COL25A1: variants seen among roughly 807,000 people sequenced by gnomAD.
The protein encoded by COL25A1 is collagen alpha-1(XXV) chain.
A neutral mutation model predicts 128.4 loss-of-function variants in COL25A1; 103 were observed. That is an observed-to-expected ratio of 0.80 (90% CI 0.68 to 0.94). The LOEUF is 0.94. Among genes scored for constraint, COL25A1 ranks in the 40% least tolerant of loss-of-function variants. COL25A1 has a pLI of 0.00. For synonymous variants in COL25A1, 279 were observed against 277.2 expected (o/e 1.01, Z -0.06); for missense variants, 745 against 840.0 (o/e 0.89, Z 1.40).
At chr4:108,937,755 A>T (rs1443420023) in intron 11 of COL25A1, 53 bp downstream of exon 11, 6 of 1,435,454 alleles carry the variant, frequency 4.2e-6, no homozygotes, top group Non-Finnish European at 5.8e-6. Flanking sequence ...AATCTTGACC[A>T]TAGTTGTAAA....
chr4:108,954,107 T>A (rs932777596), intron 8 of COL25A1, among the ~76,000 whole-genome samples: 7 of 152,078 alleles, frequency 4.6e-5, no homozygotes, highest in Non-Finnish European at 8.8e-5. Context: ...CTACTTCCCA[T>A]AGTGATTAAT....
chr4:108,870,883 A>G (rs937415055), intron 19 of COL25A1, among the ~76,000 whole-genome samples: 2 of 152,256 alleles, frequency 1.3e-5, no homozygotes, highest in Non-Finnish European at 2.9e-5. Flanking sequence ...GAATTCTTGT[A>G]TATATTCAAG....
intron 6 of COL25A1, among the ~76,000 whole-genome samples, chr4:108,981,893 C>T (rs763403841): frequency 3.6e-4 from 54 of 152,016 alleles, no homozygotes; most frequent in Non-Finnish European, 6.6e-4. Context: ...AGATACTTGA[C>T]TTGAGGATAA....
intron 3 of COL25A1, among the ~76,000 whole-genome samples, chr4:109,195,242 C>CA (rs1560845933): frequency 6.6e-6 from 1 of 152,204 alleles, no homozygotes; most frequent in Non-Finnish European, 1.5e-5. Context: ...GCACATTGAG[C>CA]ACAGTAGCCC....
intron 10 of COL25A1, among the ~76,000 whole-genome samples, chr4:108,938,977 A>G (rs1253614784): frequency 3.3e-5 from 5 of 152,262 alleles, no homozygotes; most frequent in African/African-American, 7.2e-5. Context: ...CTATGTGTAG[A>G]AAGCTCCATT....
At chr4:109,115,561 T>C (rs1767459607) in intron 3 of COL25A1, among the ~76,000 whole-genome samples, 2 of 152,104 alleles carry the variant, frequency 1.3e-5, no homozygotes, top group Admixed American at 6.6e-5. Flanking sequence ...TCTTCTTCTA[T>C]GTTGTAACAT....
chr4:109,223,894 A>C (rs1778596965), intron 3 of COL25A1, among the ~76,000 whole-genome samples: 1 of 152,202 alleles, frequency 6.6e-6, no homozygotes, highest in Admixed American at 6.5e-5. Flanking sequence ...AGATACTGAT[A>C]TCCCTAAAGA....
rs528831824 is a variant in COL25A1, at chr4:109,166,712, A to C, written c.368-116533T>G. ...CACTGTGAGCACACAAGCCCTAGGA[A>C]GGTTTTAAATGTTGCACTTTGCCAT... On this transcript the variant is annotated intron_variant, in intron 3 of 37. Transcript: ENST00000399132. Among the ~76,000 whole-genome samples, 7 of 152,344 alleles carry C rather than the reference A, an allele frequency of 4.6e-5. No individual in the cohort carries two copies. In the South Asian group the frequency reaches 1.2e-3, roughly 27 times the overall value.
At chr4:109,273,006 T>C (rs1266772388) in intron 3 of COL25A1, among the ~76,000 whole-genome samples, 1 of 152,142 alleles carries the variant, frequency 6.6e-6, no homozygotes, top group Admixed American at 6.6e-5. Context: ...TTAAGCATTA[T>C]ATAACATTTG....
At chr4:109,056,001 A>T (rs1434997714) in intron 3 of COL25A1, among the ~76,000 whole-genome samples, 1 of 152,182 alleles carries the variant, frequency 6.6e-6, no homozygotes, top group Admixed American at 6.5e-5. Flanking sequence ...CTCAAGTTTT[A>T]ATCTCTGTGG....
chr4:109,244,936 C>A (rs970091805), intron 3 of COL25A1, among the ~76,000 whole-genome samples: 26 of 151,980 alleles, frequency 1.7e-4, no homozygotes, highest in African/African-American at 6.0e-4. Flanking sequence ...AATCTCTATT[C>A]AAATAGCCAT....
At chr4:109,184,615 G>A (rs992297985) in intron 3 of COL25A1, among the ~76,000 whole-genome samples, 5 of 152,208 alleles carry the variant, frequency 3.3e-5, no homozygotes, top group African/African-American at 1.2e-4. Flanking sequence ...GCCAGAACAA[G>A]TTAATCAGAG....
intron 3 of COL25A1, among the ~76,000 whole-genome samples, chr4:109,282,572 T>C (rs1723476357): frequency 6.6e-6 from 1 of 152,176 alleles, no homozygotes; most frequent in African/African-American, 2.4e-5. Context: ...ATTTATAGAG[T>C]CAAGAACTGT....
intron 6 of COL25A1, among the ~76,000 whole-genome samples, chr4:108,978,235 C>T (rs907086995): frequency 1.3e-5 from 2 of 152,238 alleles, no homozygotes; most frequent in African/African-American, 4.8e-5. Context: ...GAAGCAAAGC[C>T]GAGGTCAACC....
intron 6 of COL25A1, among the ~76,000 whole-genome samples, chr4:108,994,829 G>A (rs997121933): frequency 3.9e-5 from 6 of 152,162 alleles, no homozygotes; most frequent in African/African-American, 1.4e-4. Context: ...AGGCAAACAG[G>A]GTCTGGAGTG....
chr4:108,983,538 T>C (rs1753256736), intron 6 of COL25A1, among the ~76,000 whole-genome samples: 1 of 152,210 alleles, frequency 6.6e-6, no homozygotes, highest in African/African-American at 2.4e-5. Context: ...GCAGTAGTAT[T>C]GTGTCCAGAA....
chr4:109,090,482 G>A (rs1764799812), intron 3 of COL25A1, among the ~76,000 whole-genome samples: 2 of 152,130 alleles, frequency 1.3e-5, no homozygotes, highest in South Asian at 4.1e-4. Context: ...AGGAAACTAT[G>A]AAAGTGCTTT....
chr4:108,933,926 C>T (rs549551895), intron 11 of COL25A1, among the ~76,000 whole-genome samples: 23 of 152,000 alleles, frequency 1.5e-4, no homozygotes, highest in African/African-American at 4.3e-4. Context: ...TTCCTCCTCA[C>T]GATTCCTCAA....
chr4:109,125,717 T>C (rs149578733), intron 3 of COL25A1, among the ~76,000 whole-genome samples: 112 of 152,210 alleles, frequency 7.4e-4, no homozygotes, highest in Non-Finnish European at 1.4e-3. Context: ...CTATTGCCAC[T>C]GAAGAACAAA....
Sources: allele counts gnomAD v4.1 joint callset (sites outside exome capture counted in the v4.1 genomes callset), GRCh38; gene constraint gnomAD v4.1.1; transcripts MANE v1.5; gene names NCBI Gene and HGNC (gene_info 2026-07-23, HGNC 2026-07-21).